TAFA4: variants seen among roughly 807,000 people sequenced by gnomAD.
TAFA4 encodes the protein TAFA chemokine like family member 4.
TAFA4 carries 20 observed loss-of-function variants against 21.1 expected under a neutral mutation model. The ratio of observed to expected loss-of-function variants is 0.95; its 90% CI spans 0.67 to 1.38. TAFA4 has a LOEUF of 1.38. TAFA4 is among the 40% of genes most tolerant of loss of function. TAFA4 has a pLI of 0.00. For synonymous variants in TAFA4, 71 were observed against 67.4 expected, an observed-to-expected ratio of 1.05 and a Z score of -0.26; for missense variants, 211 against 180.9, an observed-to-expected ratio of 1.17 and a Z score of -0.95.
At chr3:68,926,488 G>C (rs1437779066) in intron 1 of TAFA4, among the ~76,000 whole-genome samples, 4 of 152,176 alleles carry the variant, frequency 2.6e-5, no homozygotes, top group Non-Finnish European at 5.9e-5. Context: ...TATGCATCAA[G>C]ATACTTGGGT....
At chr3:68,828,881 C>A (rs1450840405) in intron 3 of TAFA4, among the ~76,000 whole-genome samples, 1 of 152,070 alleles carries the variant, frequency 6.6e-6, no homozygotes, top group African/African-American at 2.4e-5. Flanking sequence ...CTTTCTCTGG[C>A]CTGATTACCC....
intron 1 of TAFA4, among the ~76,000 whole-genome samples, chr3:68,906,851 G>C (rs185815989): frequency 6.6e-6 from 1 of 151,936 alleles, no homozygotes; most frequent in African/African-American, 2.4e-5. Context: ...GCAACATGGA[G>C]AAACCCTATC....
At chr3:68,781,357 G>A (rs1269941565) in intron 3 of TAFA4, among the ~76,000 whole-genome samples, 1 of 148,372 alleles carries the variant, frequency 6.7e-6, no homozygotes, top group Admixed American at 6.7e-5. Flanking sequence ...CTCTTCAAAA[G>A]GCCAGTTAAA....
intron 3 of TAFA4, among the ~76,000 whole-genome samples, chr3:68,764,138 T>C (rs1702806775): frequency 6.6e-6 from 1 of 151,944 alleles, no homozygotes. Flanking sequence ...TTTAGTGGGG[T>C]AATTAAGGTT....
At chr3:68,764,656 T>C (rs1702814642) in intron 3 of TAFA4, among the ~76,000 whole-genome samples, 1 of 152,190 alleles carries the variant, frequency 6.6e-6, no homozygotes, top group African/African-American at 2.4e-5. Flanking sequence ...CTCTCATCCC[T>C]GTTGCAATGG....
chr3:68,750,524 A>G (rs1359291537), intron 4 of TAFA4, among the ~76,000 whole-genome samples: 1 of 152,208 alleles, frequency 6.6e-6, no homozygotes. Context: ...CTACAAACCT[A>G]TCTCCAAATA....
At chr3:68,810,292 G>A (rs896725454) in intron 3 of TAFA4, among the ~76,000 whole-genome samples, 5 of 152,114 alleles carry the variant, frequency 3.3e-5, no homozygotes, top group Admixed American at 2.6e-4. Context: ...GAGGTAATGG[G>A]TTCATCTCAC....
chr3:68,738,661 T>C (rs1047327838), intron 5 of TAFA4, among the ~76,000 whole-genome samples: 8 of 152,190 alleles, frequency 5.3e-5, no homozygotes, highest in Non-Finnish European at 1.0e-4. Flanking sequence ...GAGAAAAGCG[T>C]TGGCTTCTAA....
chr3:68,786,832 G>A (rs1012808481), intron 3 of TAFA4, among the ~76,000 whole-genome samples: 3 of 152,286 alleles, frequency 2.0e-5, no homozygotes, highest in South Asian at 2.1e-4. Flanking sequence ...GATTTACAAT[G>A]GGTAGGTCTG....
chr3:68,770,618 A>G (rs1702936999), intron 3 of TAFA4, among the ~76,000 whole-genome samples: 2 of 152,252 alleles, frequency 1.3e-5, no homozygotes, highest in Non-Finnish European at 1.5e-5. Flanking sequence ...GTTTTTAAGG[A>G]ATCAATCTCC....
chr3:68,835,137 G>T (rs967848029), intron 3 of TAFA4, among the ~76,000 whole-genome samples: 1 of 151,972 alleles, frequency 6.6e-6, no homozygotes, highest in South Asian at 2.1e-4. Flanking sequence ...GGAACACCTG[G>T]CCCCCAGTTA....
intron 3 of TAFA4, among the ~76,000 whole-genome samples, chr3:68,798,595 G>A (rs1703504736): frequency 6.6e-6 from 1 of 152,118 alleles, no homozygotes; most frequent in South Asian, 2.1e-4. Context: ...ACACCATCAA[G>A]AGCACAAAAA....
At chr3:68,917,655 G>A (rs1285429252) in intron 1 of TAFA4, among the ~76,000 whole-genome samples, 2 of 150,652 alleles carry the variant, frequency 1.3e-5, no homozygotes, top group Non-Finnish European at 2.9e-5. Context: ...TCGGGAGGCT[G>A]AGGCAGGAGA....
At chr3:68,904,409 C>T (rs2089877074) in intron 1 of TAFA4, among the ~76,000 whole-genome samples, 1 of 152,150 alleles carries the variant, frequency 6.6e-6, no homozygotes. Flanking sequence ...TTTAGGATGA[C>T]AGGTGTCAGA....
chr3:68,741,813 TA>T (rs371520405), intron 4 of TAFA4, among the ~76,000 whole-genome samples: 114 of 150,940 alleles, frequency 7.6e-4, no homozygotes, highest in African/African-American at 2.7e-3. Flanking sequence ...AAAATAAAAA[TA>T]AAAACTCTCC....
intron 3 of TAFA4, among the ~76,000 whole-genome samples, chr3:68,776,928 A>C (rs181574693): frequency 5.3e-5 from 8 of 152,256 alleles, no homozygotes; most frequent in Admixed American, 4.6e-4. Flanking sequence ...AAAACAAATT[A>C]TAATATATTT....
intron 4 of TAFA4, among the ~76,000 whole-genome samples, chr3:68,747,601 C>T (rs781142979): frequency 2.6e-5 from 4 of 152,230 alleles, no homozygotes; most frequent in East Asian, 3.9e-4. Context: ...TACCCATTCT[C>T]GGGTATGTCT....
intron 1 of TAFA4, among the ~76,000 whole-genome samples, chr3:68,907,748 A>T (rs552695558): frequency 2.6e-5 from 4 of 152,232 alleles, no homozygotes. Flanking sequence ...TACTCATGGC[A>T]TGAAGTCTGA....
At chr3:68,896,709 T>G (rs2089792962) in intron 1 of TAFA4, among the ~76,000 whole-genome samples, 1 of 152,230 alleles carries the variant, frequency 6.6e-6, no homozygotes, top group Non-Finnish European at 1.5e-5. Flanking sequence ...GCCAGCTATC[T>G]GGAGAGTAGG....
Sources: gnomAD v4.1 joint callset for allele counts (sites outside exome capture counted in the v4.1 genomes callset) on GRCh38, gnomAD v4.1.1 for gene constraint, MANE v1.5 for transcripts, NCBI Gene and HGNC (gene_info 2026-07-23, HGNC 2026-07-21) for gene names.